Variants in EPHA3 observed in about 807,000 individuals in gnomAD.
EPHA3 encodes EPH receptor A3, also known as ephrin type-A receptor 3.
In EPHA3, 42 loss-of-function variants were observed where a neutral mutation model predicts 107.1. That is an observed-to-expected ratio of 0.39 (90% CI 0.31 to 0.51). The LOEUF (loss-of-function observed/expected upper bound fraction) is 0.51. EPHA3 is among the 20% of genes least tolerant of loss of function. The pLI is 0.78. For synonymous variants in EPHA3, 461 were observed against 424.8 expected (o/e 1.09, Z -1.05); for missense variants, 1,183 against 1,211.2 (o/e 0.98, Z 0.35).
chr3:89,312,681 C>T (rs1706792172), intron 3 of EPHA3, among the ~76,000 whole-genome samples: 2 of 151,860 alleles, frequency 1.3e-5, no homozygotes, highest in African/African-American at 2.4e-5. Flanking sequence ...TTTCATCACC[C>T]AGGTATTAAC....
chr3:89,343,178 C>G (rs1374647824), intron 5 of EPHA3, among the ~76,000 whole-genome samples: 4 of 152,294 alleles, frequency 2.6e-5, no homozygotes, highest in Admixed American at 6.5e-5. Context: ...CCTAGGTCTT[C>G]TAGTAGCCAA....
chr3:89,184,324 T>C (rs1339044564), intron 2 of EPHA3, among the ~76,000 whole-genome samples: 1 of 152,022 alleles, frequency 6.6e-6, no homozygotes, highest in Non-Finnish European at 1.5e-5. Context: ...AGTAATGGTA[T>C]CCTTAGTAGG....
chr3:89,123,326 A>C (rs556402230), intron 1 of EPHA3, among the ~76,000 whole-genome samples: 35 of 152,216 alleles, frequency 2.3e-4, no homozygotes, highest in African/African-American at 7.9e-4. Flanking sequence ...TATTTTTAGT[A>C]GAGATGAGTT....
At chr3:89,233,503 G>A (rs1388568325) in intron 3 of EPHA3, among the ~76,000 whole-genome samples, 1 of 152,182 alleles carries the variant, frequency 6.6e-6, no homozygotes, top group Non-Finnish European at 1.5e-5. Flanking sequence ...TTGTTGACAT[G>A]ACTTTTTGCT....
chr3:89,118,436 G>C (rs1235853345), intron 1 of EPHA3, among the ~76,000 whole-genome samples: 1 of 151,652 alleles, frequency 6.6e-6, no homozygotes, highest in Non-Finnish European at 1.5e-5. Context: ...AAAATGAGAG[G>C]AAGAAAACTA....
At chr3:89,186,075 A>G (rs994878863) in intron 2 of EPHA3, among the ~76,000 whole-genome samples, 8 of 139,846 alleles carry the variant, frequency 5.7e-5, no homozygotes, top group Admixed American at 1.5e-4. Flanking sequence ...TCTCCTATTC[A>G]TTCTTTCTTT....
At chr3:89,424,808 T>G (rs898138610) in intron 11 of EPHA3, among the ~76,000 whole-genome samples, 1 of 151,500 alleles carries the variant, frequency 6.6e-6, no homozygotes, top group Non-Finnish European at 1.5e-5. Flanking sequence ...ACTAGCATAA[T>G]GGACAGTAAA....
intron 3 of EPHA3, among the ~76,000 whole-genome samples, chr3:89,226,256 C>T (rs1390806549): frequency 6.6e-6 from 1 of 152,020 alleles, no homozygotes; most frequent in Non-Finnish European, 1.5e-5. Context: ...TTGGAGCTAA[C>T]AAGAGATAAC....
At chr3:89,325,991 A>G (rs888385861) in intron 3 of EPHA3, among the ~76,000 whole-genome samples, 2 of 151,288 alleles carry the variant, frequency 1.3e-5, no homozygotes, top group Non-Finnish European at 2.9e-5. Context: ...ATATTAAAGA[A>G]TACAAAATTA....
In EPHA3 at chr3:89,468,764, G is replaced by A. The variant is rs575666148; in HGVS notation, c.2691-3700G>A. Among the ~76,000 whole-genome samples the A allele has an allele frequency of 3.9e-5, 6 of 152,206 alleles. No homozygotes were observed. In the South Asian group the frequency reaches 1.2e-3, roughly 31 times the overall value. On this transcript the variant is annotated intron_variant, in intron 15 of 16. Coordinates refer to ENST00000336596, the MANE Select transcript of EPHA3 (RefSeq NM_005233.6). ...ACTTATCCAATGAGTCTAATGTAAT[G>A]TCTAATGCTTGCTAGTGACAAAGAC...
At chr3:89,298,178 T>C (rs1300355015) in intron 3 of EPHA3, among the ~76,000 whole-genome samples, 2 of 152,186 alleles carry the variant, frequency 1.3e-5, no homozygotes, top group Non-Finnish European at 2.9e-5. Flanking sequence ...ATTTGGATAG[T>C]TCTTTCCCTG....
chr3:89,233,170 T>C (rs1456188013), intron 3 of EPHA3, among the ~76,000 whole-genome samples: 1 of 152,170 alleles, frequency 6.6e-6, no homozygotes, highest in Non-Finnish European at 1.5e-5. Context: ...GAAATATATA[T>C]ATATACACGC....
chr3:89,154,855 T>C (rs2107054480), intron 2 of EPHA3, among the ~76,000 whole-genome samples: 1 of 148,794 alleles, frequency 6.7e-6, no homozygotes, highest in South Asian at 2.1e-4. Context: ...TTAAGCCACA[T>C]TAAAGCATCT....
At chr3:89,253,823 GTTTTTT>G (rs35269238) in intron 3 of EPHA3, among the ~76,000 whole-genome samples, 25 of 150,394 alleles carry the variant, frequency 1.7e-4, no homozygotes, top group African/African-American at 6.1e-4. Context: ...AATAAGAGGA[GTTTTTT>G]TTTTAAGTAG....
chr3:89,354,408 A>T (rs1707900582), intron 5 of EPHA3, among the ~76,000 whole-genome samples: 1 of 151,228 alleles, frequency 6.6e-6, no homozygotes, highest in Non-Finnish European at 1.5e-5. Flanking sequence ...CAGTGTGAAT[A>T]ACCATCATAC....
At chr3:89,212,265 A>T (rs1404901976) in intron 3 of EPHA3, among the ~76,000 whole-genome samples, 1 of 152,038 alleles carries the variant, frequency 6.6e-6, no homozygotes, top group Non-Finnish European at 1.5e-5. Context: ...TATATAACTT[A>T]AAATTTATTT....
intron 3 of EPHA3, among the ~76,000 whole-genome samples, chr3:89,293,241 AC>A (rs1441558339): frequency 6.6e-6 from 1 of 152,150 alleles, no homozygotes; most frequent in African/African-American, 2.4e-5. Flanking sequence ...TTTTCTAAAC[AC>A]AAGTACTTTA....
chr3:89,439,082 C>T (rs1347148822), intron 13 of EPHA3, among the ~76,000 whole-genome samples: 1 of 152,032 alleles, frequency 6.6e-6, no homozygotes, highest in African/African-American at 2.4e-5. Flanking sequence ...TATATAGGAT[C>T]GTCAGAGAAA....
intron 2 of EPHA3, among the ~76,000 whole-genome samples, chr3:89,169,181 A>C (rs887122743): frequency 5.3e-5 from 8 of 152,160 alleles, no homozygotes. Context: ...AAAAGTATAA[A>C]AAGATGAATT....
Sources: allele counts gnomAD v4.1 joint callset (sites outside exome capture counted in the v4.1 genomes callset), GRCh38; gene constraint gnomAD v4.1.1; transcripts MANE v1.5; gene names NCBI Gene and HGNC (gene_info 2026-07-23, HGNC 2026-07-21).